Variants in SORCS2 observed in about 807,000 individuals in gnomAD.
SORCS2 encodes the protein VPS10 domain-containing receptor SorCS2.
In SORCS2, 100 loss-of-function variants were observed where a neutral mutation model predicts 141.6. That is an observed-to-expected ratio of 0.71 (90% confidence interval 0.60 to 0.83). The LOEUF is 0.83. Among genes scored for constraint, SORCS2 ranks in the 40% least tolerant of loss-of-function variants. SORCS2 has a pLI of 0.00. For synonymous variants in SORCS2, 789 were observed against 676.9 expected (o/e 1.17, Z -2.57); for missense variants, 1,646 against 1,560.2 (o/e 1.05, Z -0.93).
chr4:7,349,911 G>A (rs928075198), intron 1 of SORCS2, among the ~76,000 whole-genome samples: 1 of 152,200 alleles, frequency 6.6e-6, no homozygotes, highest in East Asian at 1.9e-4. Context: ...GGTGTTCCGA[G>A]CAGACGCTGA....
chr4:7,713,065 C>T (rs528267423), intron 15 of SORCS2, among the ~76,000 whole-genome samples: 24 of 152,202 alleles, frequency 1.6e-4, no homozygotes, highest in Admixed American at 7.8e-4. Context: ...GCTGAGGGTC[C>T]TCAGCCACAC....
intron 2 of SORCS2, among the ~76,000 whole-genome samples, chr4:7,416,806 G>A (rs1265758264): frequency 6.7e-6 from 1 of 148,516 alleles, no homozygotes. Flanking sequence ...ACACAAACAT[G>A]CATGCATGTA....
chr4:7,250,539 T>C (rs1038121742), intron 1 of SORCS2, among the ~76,000 whole-genome samples: 4 of 152,270 alleles, frequency 2.6e-5, no homozygotes, highest in Non-Finnish European at 5.9e-5. Context: ...AGACATATCG[T>C]TGGATCCTGT....
intron 1 of SORCS2, among the ~76,000 whole-genome samples, chr4:7,369,321 C>A (rs1409213035): frequency 6.6e-6 from 1 of 152,120 alleles, no homozygotes; most frequent in African/African-American, 2.4e-5. Context: ...AAAACCAAAC[C>A]AAACCAAAAC....
chr4:7,393,328 C>T (rs1318337930), intron 1 of SORCS2, among the ~76,000 whole-genome samples: 1 of 152,168 alleles, frequency 6.6e-6, no homozygotes, highest in Non-Finnish European at 1.5e-5. Context: ...GATCAAAGAG[C>T]CCCAAGGCTA....
At chr4:7,537,357 C>A (rs997498963) in intron 3 of SORCS2, among the ~76,000 whole-genome samples, 1 of 152,216 alleles carries the variant, frequency 6.6e-6, no homozygotes, top group African/African-American at 2.4e-5. Flanking sequence ...TGCCTGTGGG[C>A]AGATCCTGAC....
chr4:7,422,077 GC>G (rs1475813970), intron 2 of SORCS2, among the ~76,000 whole-genome samples: 3 of 152,196 alleles, frequency 2.0e-5, no homozygotes, highest in Non-Finnish European at 4.4e-5. Context: ...TCCTCCATGA[GC>G]CCTGCATTTC....
At chr4:7,668,568 C>T (rs1178348024) in intron 8 of SORCS2, among the ~76,000 whole-genome samples, 1 of 152,126 alleles carries the variant, frequency 6.6e-6, no homozygotes, top group Non-Finnish European at 1.5e-5. Flanking sequence ...CACTGGGCAC[C>T]CTCAGACCTC....
intron 11 of SORCS2, among the ~76,000 whole-genome samples, chr4:7,694,908 C>T (rs546380707): frequency 2.6e-5 from 4 of 152,172 alleles, no homozygotes; most frequent in African/African-American, 4.8e-5. Context: ...AGGCTCCACT[C>T]GGAGGCTCTT....
Position 7,286,402 on chromosome 4 carries a change from G to T in SORCS2, c.480+93276G>T, listed in dbSNP as rs1227898880. On this transcript the variant is annotated intron_variant, in intron 1 of 26. Coordinates refer to ENST00000507866, the MANE Select transcript of SORCS2 (RefSeq NM_020777.3). This position sits in a 1 kb window ranked among gnomAD's most constrained non-coding sequence, Gnocchi z 4.1. ...CCTACTTTGGCCAGAACGGAGCAGG[G>T]TGTGGGCGAAGGGAGACGTCCTGGA... Among the ~76,000 whole-genome samples, 1 of 152,236 alleles carries T rather than the reference G, an allele frequency of 6.6e-6. No individual in the cohort carries two copies. The highest frequency in any genetic ancestry group is 1.5e-5 in the Non-Finnish European group (1 of 68,036).
intron 3 of SORCS2, among the ~76,000 whole-genome samples, chr4:7,630,945 A>G (rs1331364369): frequency 1.3e-5 from 2 of 152,082 alleles, no homozygotes; most frequent in Non-Finnish European, 2.9e-5. Flanking sequence ...CCTCCCCAGG[A>G]CAGAGATTTG....
chr4:7,610,505 G>A (rs1276120051), intron 3 of SORCS2, among the ~76,000 whole-genome samples: 1 of 152,138 alleles, frequency 6.6e-6, no homozygotes, highest in East Asian at 1.9e-4. Context: ...GTCAACACCG[G>A]GCCGGGGACG....
chr4:7,373,478 A>ATATATATATATATATTTTTTT (rs1470691140), intron 1 of SORCS2, among the ~76,000 whole-genome samples: 1 of 36,818 alleles, frequency 2.7e-5, no homozygotes, highest in Non-Finnish European at 4.1e-5. Context: ...ATATATATAT[A>ATATATATATATATATTTTTTT]TTTTTTTTTT....
chr4:7,550,858 C>G (rs2109631659), intron 3 of SORCS2, among the ~76,000 whole-genome samples: 1 of 152,264 alleles, frequency 6.6e-6, no homozygotes, highest in Admixed American at 6.5e-5. Flanking sequence ...TCTCTGAGCC[C>G]TTTTTCCATC....
At chr4:7,610,813 G>A (rs1467253473) in intron 3 of SORCS2, among the ~76,000 whole-genome samples, 1 of 152,204 alleles carries the variant, frequency 6.6e-6, no homozygotes, top group African/African-American at 2.4e-5. Flanking sequence ...CGGGAGCCAA[G>A]GTGGGTGGAA....
At chr4:7,583,389 C>T (rs1335226240) in intron 3 of SORCS2, among the ~76,000 whole-genome samples, 2 of 152,154 alleles carry the variant, frequency 1.3e-5, no homozygotes, top group African/African-American at 4.8e-5. Context: ...GGAGCTAAAA[C>T]AGGAACTCAA....
intron 2 of SORCS2, among the ~76,000 whole-genome samples, chr4:7,528,382 T>C (rs551698565): frequency 6.6e-6 from 1 of 150,664 alleles, no homozygotes; most frequent in Non-Finnish European, 1.5e-5. Flanking sequence ...AGGGGCTTCC[T>C]AGGCACTGGC....
rs372954660 is a variant in SORCS2 at position 7,611,426 on chromosome 4, C to T, written c.649-26902C>T. On this transcript the variant is annotated intron_variant, in intron 3 of 26. Transcript: ENST00000507866. ...CCGCCCTCTCAGCCCCAAGGGAAAC[C>T]GGCCGACCAGCACCCTGAGACTGCC... Among the ~76,000 whole-genome samples the T allele has an allele frequency of 8.5e-5, 13 of 152,288 alleles. No homozygotes were observed. The East Asian group carries it at 1.5e-3, about 18-fold the overall frequency.
intron 3 of SORCS2, among the ~76,000 whole-genome samples, chr4:7,635,137 G>A (rs1000493779): frequency 4.6e-5 from 7 of 152,232 alleles, no homozygotes; most frequent in Non-Finnish European, 1.0e-4. Context: ...CCAGGCTAAT[G>A]TAAAGTGTTA....
Sources: allele counts gnomAD v4.1 joint callset (sites outside exome capture counted in the v4.1 genomes callset), GRCh38; gene constraint gnomAD v4.1.1; non-coding constraint Gnocchi (gnomAD v3.1); transcripts MANE v1.5; gene names NCBI Gene and HGNC (gene_info 2026-07-23, HGNC 2026-07-21).